The following GLI2 variants were observed in gnomAD, a reference collection of about 807,000 sequenced individuals.
The protein encoded by GLI2 is transcription activator GLI2.
GLI2 carries 22 observed loss-of-function variants against 78.9 expected under a neutral mutation model. The ratio of observed to expected loss-of-function variants is 0.28; its 90% CI spans 0.20 to 0.40. The LOEUF is 0.40. Among genes scored for constraint, GLI2 ranks in the 10% least tolerant of loss-of-function variants. The pLI is 1.00. For missense variants in GLI2, 2,097 were observed against 2,213.2 expected, an observed-to-expected ratio of 0.95 and a Z score of 1.05; for synonymous variants, 974 against 963.7, an observed-to-expected ratio of 1.01 and a Z score of -0.20.
intron 1 of GLI2, among the ~76,000 whole-genome samples, chr2:120,746,960 C>G (rs1017742758): frequency 1.3e-5 from 2 of 152,086 alleles, no homozygotes. Flanking sequence ...TACATAATAT[C>G]CCTTTGTCTG....
In GLI2 at chr2:120,776,374, C is replaced by T. The variant is rs368222316; in HGVS notation, c.-30-20917C>T. ...GGGAGGCCCAGTGGGCTCTGGGATG[C>T]TTGGTTGTGAGTGAGGTCCAGGGTG... On this transcript the variant is annotated intron_variant, in intron 1 of 13. Transcript: ENST00000361492. Among the ~76,000 whole-genome samples, 5 of 152,260 alleles carry T rather than the reference C, an allele frequency of 3.3e-5. No homozygotes were observed. The East Asian group carries it at 7.7e-4, about 24-fold the overall frequency.
intron 2 of GLI2, among the ~76,000 whole-genome samples, chr2:120,909,097 C>G (rs1308596216): frequency 6.6e-6 from 1 of 152,146 alleles, no homozygotes; most frequent in Non-Finnish European, 1.5e-5. Flanking sequence ...CCCTGAGCCA[C>G]CAGAAGCCAT....
intron 1 of GLI2, among the ~76,000 whole-genome samples, chr2:120,779,152 G>T (rs1010557180): frequency 6.6e-6 from 1 of 152,188 alleles, no homozygotes; most frequent in Non-Finnish European, 1.5e-5. Flanking sequence ...GTACTTACAC[G>T]CATCAGCTCA....
At chr2:120,803,883 A>G (rs766081301) in intron 2 of GLI2, among the ~76,000 whole-genome samples, 6 of 152,218 alleles carry the variant, frequency 3.9e-5, no homozygotes, top group Non-Finnish European at 8.8e-5. Flanking sequence ...GGAGTATTCA[A>G]GAGTCTCAGG....
chr2:120,969,044 C>T (rs949606108), intron 6 of GLI2, 129 bp downstream of exon 6: 1 of 696,932 alleles, frequency 1.4e-6, no homozygotes, highest in East Asian at 2.7e-5. Flanking sequence ...TTTGTGAATC[C>T]ACATACTTGC....
chr2:120,846,700 C>A (rs1687132676), intron 2 of GLI2, among the ~76,000 whole-genome samples: 1 of 152,248 alleles, frequency 6.6e-6, no homozygotes. Context: ...AGGCATGGAG[C>A]TGGGCAGTCC....
chr2:120,950,123 C>CA (rs1558907426), intron 3 of GLI2, among the ~76,000 whole-genome samples: 20 of 152,282 alleles, frequency 1.3e-4, no homozygotes, highest in Non-Finnish European at 2.2e-4. Context: ...TTCATCCTCA[C>CA]GACAACCCTA....
chr2:120,912,744 C>T (rs935242768), intron 2 of GLI2, among the ~76,000 whole-genome samples: 6 of 152,014 alleles, frequency 3.9e-5, no homozygotes, highest in South Asian at 4.2e-4. Context: ...TCTTATTTGT[C>T]GAAGATCTCG....
intron 8 of GLI2, 45 bp from the exon 9 acceptor site, chr2:120,974,930 G>T (rs779618442): frequency 6.2e-7 from 1 of 1,614,204 alleles, no homozygotes; most frequent in Non-Finnish European, 8.5e-7. Flanking sequence ...TCAGGGCCAG[G>T]TGTCTGGACA....
At chr2:120,755,424 T>C (rs908354581) in intron 1 of GLI2, among the ~76,000 whole-genome samples, 27 of 152,230 alleles carry the variant, frequency 1.8e-4, no homozygotes, top group Admixed American at 3.9e-4. Flanking sequence ...AGAAAATCTT[T>C]TGCTCAATTT....
chr2:120,856,401 C>A (rs972842988), intron 2 of GLI2, among the ~76,000 whole-genome samples: 3 of 152,190 alleles, frequency 2.0e-5, no homozygotes, highest in African/African-American at 7.2e-5. Context: ...GGGAATCAGG[C>A]CTCCCATTTA....
intron 1 of GLI2, among the ~76,000 whole-genome samples, chr2:120,752,269 A>ATTTT (rs192674460): frequency 7.7e-6 from 1 of 129,950 alleles, no homozygotes; most frequent in Admixed American, 7.6e-5. Flanking sequence ...CCTATCTTTA[A>ATTTT]TTTTTTTTTT....
At chr2:120,923,265 C>T (rs1679480258) in intron 2 of GLI2, among the ~76,000 whole-genome samples, 1 of 121,320 alleles carries the variant, frequency 8.2e-6, no homozygotes, top group South Asian at 2.7e-4. Flanking sequence ...CACACATACA[C>T]AGCAACATAC....
intron 2 of GLI2, among the ~76,000 whole-genome samples, chr2:120,919,714 C>T (rs1248534755): frequency 6.6e-6 from 1 of 152,274 alleles, no homozygotes; most frequent in Non-Finnish European, 1.5e-5. Flanking sequence ...CATCACCGGG[C>T]TTCCCCATCC....
In GLI2 at chr2:120,927,470, A is replaced by C. The variant is rs1679742744; in HGVS notation, c.254+4A>C. The C allele has an allele frequency of 6.3e-7, 1 of 1,594,484 alleles. No homozygotes were observed. The highest frequency in any genetic ancestry group is 8.6e-7 in the Non-Finnish European group (1 of 1,162,242). ...ATTCTGTCCACGGTGTGCACGGGTA[A>C]GTCCTGCCCTCTGCCTGCTGCTCCT... is the stretch of plus-strand genomic sequence containing the variant. On this transcript the variant is annotated splice_donor_region_variant and intron_variant, in intron 3 of 13. Coordinates refer to ENST00000361492, the MANE Select transcript of GLI2 (RefSeq NM_001374353.1).
chr2:120,798,481 G>A (rs922405733), intron 2 of GLI2, among the ~76,000 whole-genome samples: 22 of 152,218 alleles, frequency 1.4e-4, no homozygotes, highest in African/African-American at 4.8e-4. Flanking sequence ...GTGCTTCTAC[G>A]AGTGGACCTG....
chr2:120,819,222 G>A (rs542862391), intron 2 of GLI2, among the ~76,000 whole-genome samples: 1 of 148,926 alleles, frequency 6.7e-6, no homozygotes, highest in South Asian at 2.1e-4. Flanking sequence ...CAGAGTGACA[G>A]AGTGCCACTA....
intron 2 of GLI2, chr2:120,867,468 G>C (rs1688196929): frequency 6.6e-6 from 1 of 152,336 alleles, no homozygotes; most frequent in African/African-American, 2.4e-5. Flanking sequence ...GCGGCCACTT[G>C]ATGTTCCCTG....
intron 1 of GLI2, among the ~76,000 whole-genome samples, chr2:120,760,847 A>G (rs1190029124): frequency 3.3e-5 from 5 of 152,102 alleles, no homozygotes; most frequent in African/African-American, 9.7e-5. Flanking sequence ...ATTCCTCTTC[A>G]TTAGGCATGC....
Sources: allele counts gnomAD v4.1 joint callset (sites outside exome capture counted in the v4.1 genomes callset), GRCh38; gene constraint gnomAD v4.1.1; transcripts MANE v1.5; gene names NCBI Gene and HGNC (gene_info 2026-07-23, HGNC 2026-07-21).